The following TINCR variants were observed in gnomAD, a reference collection of about 807,000 sequenced individuals.
TINCR encodes TINCR ubiquitin domain containing.
intron 1 of TINCR, among the ~76,000 whole-genome samples, chr19:5,566,678 A>C (rs773341185): frequency 6.6e-6 from 1 of 151,890 alleles, no homozygotes; most frequent in Non-Finnish European, 1.5e-5. Context: ...ATACACAGAC[A>C]CAGAGAAAAA....
At chr19:5,567,629 G>GCCCCCCCCCCCCCCCCCCCCCCCC in intron 1 of TINCR, 36 bp downstream of exon 1, 3 of 181,984 alleles carry the variant, frequency 1.6e-5, no homozygotes, top group East Asian at 1.3e-4. Context: ...CCCGGCCGCC[G>GCCCCCCCCCCCCCCCCCCCCCCCC]CCCCCGCCCC....
chr19:5,566,168 G>A (rs1267049599), intron 1 of TINCR, among the ~76,000 whole-genome samples: 1 of 152,226 alleles, frequency 6.6e-6, no homozygotes, highest in Non-Finnish European at 1.5e-5. Flanking sequence ...AAGGAAGAGA[G>A]AGACAGAGCT....
In TINCR at chr19:5,565,496, CA is replaced by C. The variant is rs533714583; in HGVS notation, c.260+2168del. Among the ~76,000 whole-genome samples, 175 of 152,302 alleles carry C rather than the reference CA, an allele frequency of 1.1e-3. No homozygotes were observed. The highest frequency in any genetic ancestry group is 4.1e-3 in the African/African-American group (169 of 41,564). ...AGTGTCCAGCATGGAGTCTGGCACA[CA>C]GTAGGCACACAATAAATGCTGACTC... On this transcript the variant is annotated intron_variant, in intron 1 of 1. Coordinates refer to ENST00000646160, the Ensembl canonical transcript of TINCR. The surrounding 1 kb of genome is among the most constrained non-coding windows in gnomAD (Gnocchi z 4.0).
rs2052112310 is a variant in TINCR, at chr19:5,563,607, G to A, written c.261-658C>T. On this transcript the variant is annotated intron_variant, in intron 1 of 1. Coordinates refer to ENST00000646160, the Ensembl canonical transcript of TINCR. This position sits in a 1 kb window ranked among gnomAD's most constrained non-coding sequence, Gnocchi z 4.7. ...TTACTCTGCCTCAGCTTCTCCACCT[G>A]TAAACCGCCAATGATAACGGCACCC... 6.6e-6 allele frequency among the ~76,000 whole-genome samples: 1 copy of A among 152,052 alleles called. No individual in the cohort carries two copies. The highest frequency in any genetic ancestry group is 2.4e-5 in the African/African-American group (1 of 41,420).
chr19:5,567,620 C>G, intron 1 of TINCR, 45 bp downstream of exon 1: 1 of 349,106 alleles, frequency 2.9e-6, no homozygotes, highest in East Asian at 4.3e-5. Flanking sequence ...CCAGGGGTCC[C>G]CGGCCGCCGC....
At chr19:5,558,271 C>T (rs1217569394), downstream of TINCR, 1 of 152,242 alleles carries the variant, frequency 6.6e-6, no homozygotes, top group African/African-American at 2.4e-5. Context: ...AGTGATGACT[C>T]TGCTGGGAGG....
downstream of TINCR, chr19:5,561,179 C>T (rs1005657067): frequency 6.5e-6 from 1 of 153,890 alleles, no homozygotes; most frequent in African/African-American, 2.4e-5. Context: ...TGGCACAGTG[C>T]TTTCCACTGA....
chr19:5,563,411 G>A lies in TINCR; in HGVS notation c.261-462C>T, dbSNP rs907132505. Among the ~76,000 whole-genome samples the A allele has an allele frequency of 1.8e-4, 27 of 152,194 alleles. No individual in the cohort carries two copies. The highest frequency in any genetic ancestry group is 2.0e-4 in the Admixed American group (3 of 15,282). On this transcript the variant is annotated intron_variant, in intron 1 of 1. Transcript: ENST00000646160. The surrounding 1 kb of genome is among the most constrained non-coding windows in gnomAD (Gnocchi z 4.7). ...TTTGAAGGCGGAGCTGATGGAACCA[G>A]CTGAAGGACAGATAGAGGGGCTTGG...
chr19:5,565,452 T>C lies in TINCR; in HGVS notation c.260+2213A>G, dbSNP rs1376869108. 2.6e-5 allele frequency among the ~76,000 whole-genome samples: 4 copies of C among 152,206 alleles called. No homozygotes were observed. Among genetic ancestry groups the C allele is most frequent in the African/African-American group, 7.2e-5 (3 of 41,444 alleles). On this transcript the variant is annotated intron_variant, in intron 1 of 1. Transcript: ENST00000646160. This position sits in a 1 kb window ranked among gnomAD's most constrained non-coding sequence, Gnocchi z 4.0. ...CTGTGAAGGCGAAATCTGGTCTCTC[T>C]GGGTCACTGCTGAATTTCAGTGTCC... is the stretch of plus-strand genomic sequence containing the variant.
At chr19:5,567,169 G>A (rs1043250084) in intron 1 of TINCR, among the ~76,000 whole-genome samples, 1 of 151,624 alleles carries the variant, frequency 6.6e-6, no homozygotes, top group Non-Finnish European at 1.5e-5. Context: ...GAAACAAGAG[G>A]GAGACAGAGA....
At chr19:5,564,615 G>A (rs1254616657) in intron 1 of TINCR, among the ~76,000 whole-genome samples, 2 of 152,204 alleles carry the variant, frequency 1.3e-5, no homozygotes, top group African/African-American at 2.4e-5. Context: ...GTCTCACTCT[G>A]TTGTCCAGGC....
At chr19:5,561,280 G>A (rs1226293077), downstream of TINCR, 1 of 153,822 alleles carries the variant, frequency 6.5e-6, no homozygotes, top group Non-Finnish European at 1.5e-5. Context: ...CCGATAGGCT[G>A]GGCAGGAGCA....
downstream of TINCR, chr19:5,561,442 G>C (rs2052101705): frequency 6.5e-6 from 1 of 153,306 alleles, no homozygotes; most frequent in South Asian, 2.1e-4. Flanking sequence ...TTCAATCCAG[G>C]ACCAGGGAAG....
intron 1 of TINCR, among the ~76,000 whole-genome samples, chr19:5,564,489 GC>G (rs548354743): frequency 7.1e-6 from 1 of 141,110 alleles, no homozygotes; most frequent in Non-Finnish European, 1.5e-5. Context: ...GCTGGACTCT[GC>G]CATCAACCCC....
At chr19:5,567,643 C>G (rs1273959634) in intron 1 of TINCR, 22 bp downstream of exon 1, 1 of 361,000 alleles carries the variant, frequency 2.8e-6, no homozygotes. Flanking sequence ...CCGCCCCACC[C>G]CACCCCGAGC....
chr19:5,560,007 G>C (rs572795209), downstream of TINCR: 1 of 152,440 alleles, frequency 6.6e-6, no homozygotes, highest in African/African-American at 2.4e-5. This position sits in a 1 kb window ranked among gnomAD's most constrained non-coding sequence, Gnocchi z 4.5. Flanking sequence ...ACAAAGTCCT[G>C]GGTTAGGCAC....
downstream of TINCR, chr19:5,559,949 ACT>A (rs2052092352): frequency 2.6e-5 from 4 of 152,056 alleles, no homozygotes; most frequent in Non-Finnish European, 5.9e-5. Context: ...ACAGCAGCAG[ACT>A]CTGCTCTAGG....
rs1181316251 is a variant in TINCR at position 5,563,966 on chromosome 19, G to GT, written c.261-1018dup. ...AAAGCATCCTCGCCAGGGGACAGCGGTAAGGCCACGTGAAAAGCCCCTAGC... is the reference window on the plus strand; with the variant it reads ...AAAGCATCCTCGCCAGGGGACAGCGGTTAAGGCCACGTGAAAAGCCCCTAGC... On this transcript the variant is annotated intron_variant, in intron 1 of 1. Transcript: ENST00000646160. This position sits in a 1 kb window ranked among gnomAD's most constrained non-coding sequence, Gnocchi z 4.7. Among the ~76,000 whole-genome samples the GT allele has an allele frequency of 6.6e-6, 1 of 152,124 alleles. No individual in the cohort carries two copies. Among genetic ancestry groups the GT allele is most frequent in the African/African-American group, 2.4e-5 (1 of 41,436 alleles).
chr19:5,567,590 C>T (rs74174330), intron 1 of TINCR, 75 bp downstream of exon 1: 56,664 of 372,836 alleles, frequency 0.15, 4,724 homozygotes, highest in South Asian at 0.29. Context: ...GCCTTGGGCG[C>T]CCGCCTCCCC....
Sources: allele counts gnomAD v4.1 joint callset (sites outside exome capture counted in the v4.1 genomes callset), GRCh38; gene constraint gnomAD v4.1.1; non-coding constraint Gnocchi (gnomAD v3.1); transcripts MANE v1.5; gene names NCBI Gene and HGNC (gene_info 2026-07-23, HGNC 2026-07-21).